Variants in SQSTM1 observed in about 807,000 individuals in gnomAD.
SQSTM1 encodes the protein sequestosome-1.
A neutral mutation model predicts 45.1 loss-of-function variants in SQSTM1; 36 were observed. The ratio of observed to expected loss-of-function variants is 0.80; its 90% CI spans 0.61 to 1.05. The LOEUF (loss-of-function observed/expected upper bound fraction) is 1.05, where lower values mean the gene tolerates loss of function less well. SQSTM1 is among the 50% of genes least tolerant of loss of function. The pLI is 0.00. For missense variants in SQSTM1, 617 were observed against 607.1 expected (o/e 1.02, Z -0.17); for synonymous variants, 290 against 244.3 (o/e 1.19, Z -1.74).
chr5:179,818,527 TACA>T (rs1757651952), upstream of SQSTM1, among the ~76,000 whole-genome samples: 1 of 151,960 alleles, frequency 6.6e-6, no homozygotes, highest in Non-Finnish European at 1.5e-5. Flanking sequence ...AGGAGGTGGT[TACA>T]ACATGCTGGG....
At chr5:179,809,108 C>T (rs1461267708) in intron 1 of SQSTM1, among the ~76,000 whole-genome samples, 4 of 147,132 alleles carry the variant, frequency 2.7e-5, no homozygotes, top group South Asian at 2.1e-4. Context: ...CTACCTGCCT[C>T]GGCCTCCCAA....
intron 7 of SQSTM1, among the ~76,000 whole-genome samples, chr5:179,834,898 C>T (rs1450521802): frequency 2.6e-5 from 4 of 152,254 alleles, no homozygotes; most frequent in East Asian, 1.9e-4. Context: ...CATCATGGCC[C>T]GTTCTCAATG....
intron 5 of SQSTM1, among the ~76,000 whole-genome samples, chr5:179,826,023 G>A (rs574363071): frequency 6.6e-6 from 1 of 152,314 alleles, no homozygotes; most frequent in African/African-American, 2.4e-5. Flanking sequence ...TGTGACTGCA[G>A]TGGCAGGCTG....
intron 5 of SQSTM1, among the ~76,000 whole-genome samples, 167 bp from the exon 6 acceptor site, chr5:179,832,865 T>A (rs1389840166): frequency 6.6e-6 from 1 of 152,124 alleles, no homozygotes; most frequent in African/African-American, 2.4e-5. Context: ...GGGTAGAACC[T>A]AGCACCTGCA....
intron 5 of SQSTM1, among the ~76,000 whole-genome samples, chr5:179,832,504 G>A (rs1758274647): frequency 6.6e-6 from 1 of 152,228 alleles, no homozygotes; most frequent in Non-Finnish European, 1.5e-5. Flanking sequence ...GCCTCTGTGT[G>A]CAGGTGTCAG....
upstream of SQSTM1, among the ~76,000 whole-genome samples, chr5:179,817,673 G>C (rs947180384): frequency 1.3e-5 from 2 of 152,152 alleles, no homozygotes; most frequent in African/African-American, 4.8e-5. Flanking sequence ...CATGGCCCCC[G>C]TGCCTCTTGC....
chr5:179,820,646 T>C (rs1757737313), upstream of SQSTM1: 1 of 366,964 alleles, frequency 2.7e-6, no homozygotes, highest in Non-Finnish European at 4.9e-6. Flanking sequence ...AGCCCAGGCC[T>C]GTATGAGTGC....
chr5:179,832,809 T>C (rs1758297352), intron 5 of SQSTM1, among the ~76,000 whole-genome samples: 1 of 152,076 alleles, frequency 6.6e-6, no homozygotes, highest in African/African-American at 2.4e-5. Flanking sequence ...CTCATGGGTT[T>C]GTATCGTCTG....
chr5:179,822,884 C>A, intron 1 of SQSTM1, 74 bp from the exon 2 acceptor site: 2 of 1,317,576 alleles, frequency 1.5e-6, no homozygotes, highest in Non-Finnish European at 2.2e-6. Context: ...TCATACTTGC[C>A]TCAGCCCATT....
Position 179,822,998 on chromosome 5 carries a change from A to G in SQSTM1, c.246A>G (p.Glu82=). 2 of 1,614,070 alleles carry G rather than the reference A, an allele frequency of 1.2e-6. No individual in the cohort carries two copies. The highest frequency in any genetic ancestry group is 2.7e-5 in the African/African-American group (2 of 75,022). ...GDLVAFSSDE[E]LTMAMSYVKD... ...TGGTTGCCTTTTCCAGTGACGAGGA[A>G]TTGACAATGGCCATGTCCTACGTGA... The change falls in exon 2 of 8, where the codon GAA becomes GAG. Residue 82 remains glutamate (E), a synonymous_variant. Transcript: ENST00000389805.
At chr5:179,834,719 C>T (rs1270030426) in intron 7 of SQSTM1, among the ~76,000 whole-genome samples, 3 of 152,288 alleles carry the variant, frequency 2.0e-5, no homozygotes, top group Middle Eastern at 3.4e-3. Flanking sequence ...TCAGAGAGCA[C>T]GGGGTTGGGG....
rs949116045 is a variant in SQSTM1, at chr5:179,837,885, C to T, written c.*1292C>T. 9 of 1,601,900 alleles carry T rather than the reference C, an allele frequency of 5.6e-6. No homozygotes were observed. Among genetic ancestry groups the T allele is most frequent in the Non-Finnish European group, 7.6e-6 (9 of 1,178,102 alleles). ...ACCTTCCATGTCAGGCCAGCCTGTC[C>T]CTGAAAGAGAAGATGGCCATGCCCT... On this transcript the variant is annotated 3_prime_UTR_variant, in exon 8 of 8. Coordinates refer to ENST00000389805, the MANE Select transcript of SQSTM1 (RefSeq NM_003900.5).
intron 1 of SQSTM1, among the ~76,000 whole-genome samples, chr5:179,821,915 G>T (rs1012188315): frequency 6.6e-6 from 1 of 151,920 alleles, no homozygotes; most frequent in Non-Finnish European, 1.5e-5. Context: ...CCTCTGGAGC[G>T]CTGCCAGCAT....
rs1205662340 is a variant in SQSTM1, at chr5:179,806,443, C to A, written c.-305C>A. On this transcript the variant is annotated 5_prime_UTR_variant, in exon 1 of 6. Transcript: ENST00000514093. This position sits in a 1 kb window ranked among gnomAD's most constrained non-coding sequence, Gnocchi z 4.6. ...CCGCCGGGCCCGCTCCCGCCGCCGACGCCCAGGTGCGCCAGGTGCGGGCCG... is the reference window on the plus strand; with the variant it reads ...CCGCCGGGCCCGCTCCCGCCGCCGAAGCCCAGGTGCGCCAGGTGCGGGCCG... 1.7e-6 allele frequency: 2 copies of A among 1,158,884 alleles called. No homozygotes were observed. Among genetic ancestry groups the A allele is most frequent in the Non-Finnish European group, 2.2e-6 (2 of 920,224 alleles). 71.8% of individuals were successfully genotyped at this position (1,158,884 alleles called of 1,614,324 possible). A position where few individuals can be genotyped will look rare whatever the true frequency, so the allele number is the denominator to read the frequency against.
At chr5:179,828,037 G>A (rs1758067451) in intron 5 of SQSTM1, among the ~76,000 whole-genome samples, 1 of 152,322 alleles carries the variant, frequency 6.6e-6, no homozygotes, top group South Asian at 2.1e-4. Flanking sequence ...CCTGGTCGTG[G>A]GATCTTTGAT....
intron 1 of SQSTM1, chr5:179,807,768 C>G (rs1025221134): frequency 6.6e-6 from 1 of 152,360 alleles, no homozygotes. Flanking sequence ...TTCCCCTGCC[C>G]CAGCCTCCCG....
intron 1 of SQSTM1, chr5:179,821,480 C>A (rs1007522371): frequency 1.8e-6 from 1 of 545,114 alleles, no homozygotes; most frequent in African/African-American, 1.9e-5. Flanking sequence ...CCGGGGCGAA[C>A]GCTCTGGCTC....
At chr5:179,821,257 G>T (rs4700700) in intron 1 of SQSTM1, 116 bp downstream of exon 1, 1 of 1,060,444 alleles carries the variant, frequency 9.4e-7, no homozygotes, top group Non-Finnish European at 1.3e-6. Context: ...GGGGGTCTGC[G>T]CTGGCTGCTC....
chr5:179,823,717 C>A, intron 2 of SQSTM1, 141 bp from the exon 3 acceptor site: 2 of 911,126 alleles, frequency 2.2e-6, no homozygotes, highest in Non-Finnish European at 1.7e-6. Flanking sequence ...CTGCCCTCAC[C>A]TAAGTGGCTG....
Sources: gnomAD v4.1 joint callset for allele counts (sites outside exome capture counted in the v4.1 genomes callset) on GRCh38, gnomAD v4.1.1 for gene constraint, Gnocchi (gnomAD v3.1) non-coding constraint, MANE v1.5 for transcripts, NCBI Gene and HGNC (gene_info 2026-07-23, HGNC 2026-07-21) for gene names.